CMIP: variants seen among roughly 807,000 people sequenced by gnomAD.
CMIP encodes the protein c-Maf inducing protein, also known as C-Maf-inducing protein.
A neutral mutation model predicts 97.3 loss-of-function variants in CMIP; 13 were observed. The observed-to-expected ratio is 0.13, with a 90% CI of 0.09 to 0.21. The LOEUF is 0.21. Ranked by LOEUF, CMIP falls within the 10% of genes least tolerant of loss-of-function variation. CMIP has a pLI of 1.00. For missense variants in CMIP, 847 were observed against 1,024.9 expected, an observed-to-expected ratio of 0.83 and a Z score of 2.37; for synonymous variants, 538 against 436.3, an observed-to-expected ratio of 1.23 and a Z score of -2.91.
intron 1 of CMIP, chr16:81,495,552 G>T (rs376816017): frequency 1.3e-6 from 2 of 1,576,578 alleles, no homozygotes; most frequent in Admixed American, 1.7e-5. Context: ...CTAAAACCTC[G>T]CCTGCTGCTG....
intron 1 of CMIP, among the ~76,000 whole-genome samples, chr16:81,583,141 C>A (rs566985553): frequency 6.6e-6 from 1 of 152,216 alleles, no homozygotes; most frequent in African/African-American, 2.4e-5. Flanking sequence ...GCCGTCTGAT[C>A]AGGCAGTGAA....
At position 81,616,866 on chromosome 16, in the gene CMIP, G is replaced by T. The variant is rs1478880534; in HGVS notation, c.427-4010G>T. Among the ~76,000 whole-genome samples the T allele has an allele frequency of 6.6e-6, 1 of 152,232 alleles. No individual in the cohort carries two copies. Among genetic ancestry groups the T allele is most frequent in the Non-Finnish European group, 1.5e-5 (1 of 68,046 alleles). On this transcript the variant is annotated intron_variant, in intron 2 of 20. Coordinates refer to ENST00000537098, the MANE Select transcript of CMIP (RefSeq NM_198390.3). This position sits in a 1 kb window ranked among gnomAD's most constrained non-coding sequence, Gnocchi z 4.7. ...ACATCAAGTGCTGCTGTGAGAGGCA[G>T]GCTACGAGGACCCAGCTAAGACTGG...
intron 15 of CMIP, 135 bp from the exon 16 acceptor site, chr16:81,701,525 G>C: frequency 2.4e-6 from 3 of 1,254,560 alleles, no homozygotes; most frequent in Non-Finnish European, 3.4e-6. Context: ...GATTTGCCCA[G>C]GCTTACACAG....
At chr16:81,583,249 T>A (rs2091326002) in intron 1 of CMIP, among the ~76,000 whole-genome samples, 1 of 152,218 alleles carries the variant, frequency 6.6e-6, no homozygotes, top group African/African-American at 2.4e-5. Flanking sequence ...ATTGGGCAAG[T>A]CCTGGGCCTC....
intron 1 of CMIP, among the ~76,000 whole-genome samples, chr16:81,546,282 G>A (rs2150847476): frequency 6.6e-6 from 1 of 152,296 alleles, no homozygotes; most frequent in East Asian, 1.9e-4. Context: ...TGGGAGAGCA[G>A]GAAGAAGGCA....
At chr16:81,503,560 C>G (rs1299995635) in intron 1 of CMIP, among the ~76,000 whole-genome samples, 1 of 152,134 alleles carries the variant, frequency 6.6e-6, no homozygotes, top group African/African-American at 2.4e-5. Context: ...CTGCACCTGG[C>G]TAATTTTTAA....
In CMIP at chr16:81,705,600, G is replaced by A. The variant is rs1467606664; in HGVS notation, c.2193G>A (p.Leu731=). The part of the protein sequence containing the change: ...TPVTDAGLLA[L]SSMKSLCSLN... ...TCACAGACGCTGGCCTGCTGGCCCT[G>A]AGCTGTGAGTGCCTCCGGGGCAGCT... Residue 731 remains leucine, a synonymous_variant, in exon 19 of 21, where the codon CTG becomes CTA. Transcript: ENST00000537098. 1.9e-6 allele frequency: 3 copies of A among 1,596,254 alleles called. No homozygotes were observed. The South Asian group carries it at 3.4e-5, about 18-fold the overall frequency.
chr16:81,648,995 TCTCACTTCCCCA>T (rs1488329256), intron 3 of CMIP, among the ~76,000 whole-genome samples: 3 of 152,166 alleles, frequency 2.0e-5, no homozygotes, highest in East Asian at 3.9e-4. Flanking sequence ...CTCTTGCCCG[TCTCACTTCCCCA>T]CTCTCCCCAC....
chr16:81,698,652 G>A (rs1436989008), intron 14 of CMIP, among the ~76,000 whole-genome samples: 4 of 152,278 alleles, frequency 2.6e-5, no homozygotes, highest in South Asian at 2.1e-4. Context: ...TAAGCACACC[G>A]TTCAGTCACA....
intron 5 of CMIP, among the ~76,000 whole-genome samples, 168 bp downstream of exon 5, chr16:81,657,984 A>G (rs567243328): frequency 2.4e-4 from 36 of 152,208 alleles, no homozygotes; most frequent in African/African-American, 8.4e-4. Context: ...GCCTTTGCAT[A>G]TTTCAGAGCC....
chr16:81,531,504 C>T (rs543587245), intron 1 of CMIP, among the ~76,000 whole-genome samples: 28 of 152,308 alleles, frequency 1.8e-4, no homozygotes, highest in Admixed American at 5.2e-4. Context: ...ACGACCCTAC[C>T]CGTGTTTTGT....
At chr16:81,447,844 G>A (rs1187010955) in intron 1 of CMIP, among the ~76,000 whole-genome samples, 1 of 152,184 alleles carries the variant, frequency 6.6e-6, no homozygotes, top group South Asian at 2.1e-4. Context: ...TGGCTGGAGC[G>A]CTGGCCTCCC....
intron 7 of CMIP, chr16:81,665,005 T>A (rs2092588212): frequency 6.6e-6 from 1 of 152,420 alleles, no homozygotes; most frequent in Non-Finnish European, 1.5e-5. Flanking sequence ...AACAAGGAGA[T>A]TCTAAGAAAC....
intron 1 of CMIP, among the ~76,000 whole-genome samples, chr16:81,494,224 C>T (rs951997742): frequency 2.6e-5 from 4 of 152,132 alleles, no homozygotes; most frequent in Non-Finnish European, 4.4e-5. Flanking sequence ...GGTCTCCAGC[C>T]GTGATTTCAG....
chr16:81,550,282 T>C (rs1036485975), intron 1 of CMIP, among the ~76,000 whole-genome samples: 1 of 152,138 alleles, frequency 6.6e-6, no homozygotes, highest in Non-Finnish European at 1.5e-5. Context: ...ATCCGTGAAA[T>C]GGGAGAATAA....
At chr16:81,591,822 C>CT (rs2091470820) in intron 1 of CMIP, among the ~76,000 whole-genome samples, 1 of 147,252 alleles carries the variant, frequency 6.8e-6, no homozygotes, top group Non-Finnish European at 1.5e-5. Flanking sequence ...TTCTTTCTTT[C>CT]TTTCTTTCTT....
chr16:81,645,757 C>T, intron 3 of CMIP: 1 of 754,500 alleles, frequency 1.3e-6, no homozygotes, highest in Non-Finnish European at 2.2e-6. Context: ...TTCTACCTCC[C>T]TGGACTACTC....
chr16:81,485,685 T>C (rs761008639), intron 1 of CMIP, among the ~76,000 whole-genome samples: 2 of 152,238 alleles, frequency 1.3e-5, no homozygotes, highest in African/African-American at 2.4e-5. Context: ...ACTTATAATA[T>C]GCCAGATCCT....
intron 6 of CMIP, among the ~76,000 whole-genome samples, chr16:81,661,328 C>G (rs1567641834): frequency 6.6e-6 from 1 of 152,230 alleles, no homozygotes; most frequent in Admixed American, 6.5e-5. Flanking sequence ...ACACGGGAGG[C>G]AGCACGGTGC....
Sources: allele counts gnomAD v4.1 joint callset (sites outside exome capture counted in the v4.1 genomes callset), GRCh38; gene constraint gnomAD v4.1.1; non-coding constraint Gnocchi (gnomAD v3.1); transcripts MANE v1.5; gene names NCBI Gene and HGNC (gene_info 2026-07-23, HGNC 2026-07-21).